SNED1: variants seen among roughly 807,000 people sequenced by gnomAD.
SNED1 encodes sushi, nidogen and EGF like domains 1, also known as sushi, nidogen and EGF-like domain-containing protein 1.
SNED1 carries 81 observed loss-of-function variants against 166.7 expected under a neutral mutation model. The observed-to-expected ratio is 0.49, with a 90% confidence interval of 0.41 to 0.58. The LOEUF (loss-of-function observed/expected upper bound fraction) is 0.58, where lower values mean the gene tolerates loss of function less well. Ranked by LOEUF, SNED1 falls within the 20% of genes least tolerant of loss-of-function variation. SNED1 has a pLI of 0.00. For synonymous variants in SNED1, 762 were observed against 822.0 expected (o/e 0.93, Z 1.25); for missense variants, 1,604 against 2,000.2 (o/e 0.80, Z 3.78).
chr2:241,062,028 A>G (rs1246716638), intron 16 of SNED1, among the ~76,000 whole-genome samples: 1 of 152,214 alleles, frequency 6.6e-6, no homozygotes, highest in Non-Finnish European at 1.5e-5. Flanking sequence ...TTCTTCATAT[A>G]ATGCTGAGAG....
At chr2:241,000,474 G>A (rs187641878) in intron 1 of SNED1, among the ~76,000 whole-genome samples, 202 of 152,302 alleles carry the variant, frequency 1.3e-3, no homozygotes, top group African/African-American at 4.2e-3. Flanking sequence ...GGTGCTCAGC[G>A]TTGGCCCGAG....
intron 1 of SNED1, among the ~76,000 whole-genome samples, chr2:241,011,873 G>C (rs943610485): frequency 5.3e-5 from 8 of 152,206 alleles, no homozygotes; most frequent in African/African-American, 1.9e-4. Context: ...TGCTGGCGCT[G>C]CCCTGTCCTG....
chr2:241,034,947 C>G (rs10173135), intron 4 of SNED1, among the ~76,000 whole-genome samples: 2,240 of 150,512 alleles, frequency 0.015, 52 homozygotes, highest in African/African-American at 0.053. Flanking sequence ...ACACACTGCT[C>G]TGGGTTGGAG....
In SNED1 at chr2:241,069,816, C is replaced by T; in HGVS notation, c.3308-104C>T. 3.0e-6 allele frequency: 4 copies of T among 1,348,034 alleles called. No homozygotes were observed. In the South Asian group the frequency reaches 5.4e-5, roughly 18 times the overall value. The allele number at this position is 1,348,034 out of a possible 1,614,324, so 83.5% of individuals were successfully genotyped here. A position where few individuals can be genotyped will look rare whatever the true frequency, so the allele number is the denominator to read the frequency against. The stretch of plus-strand genomic sequence containing the variant: ...CCATTCTCCATAATAAAGAATCTGG[C>T]TTCCAGCAAGGCTGCGGCAGCCCAT... On this transcript the variant is annotated intron_variant, in intron 23 of 31. Coordinates refer to ENST00000310397, the MANE Select transcript of SNED1 (RefSeq NM_001080437.3). This position sits in a 1 kb window ranked among gnomAD's most constrained non-coding sequence, Gnocchi z 4.9.
intron 27 of SNED1, among the ~76,000 whole-genome samples, chr2:241,080,153 G>A (rs1292604493): frequency 2.0e-5 from 3 of 152,046 alleles, no homozygotes; most frequent in African/African-American, 7.2e-5. Flanking sequence ...GCATGGTGGT[G>A]CGCGCCTGTA....
chr2:241,020,440 G>C (rs1349141108), intron 1 of SNED1, among the ~76,000 whole-genome samples: 1 of 152,214 alleles, frequency 6.6e-6, no homozygotes, highest in Non-Finnish European at 1.5e-5. Flanking sequence ...CCCGTGACTC[G>C]AGCACCCCGC....
chr2:241,002,888 C>T (rs1181218392), intron 1 of SNED1, among the ~76,000 whole-genome samples: 1 of 151,926 alleles, frequency 6.6e-6, no homozygotes, highest in Non-Finnish European at 1.5e-5. Context: ...TCTCCCTCAC[C>T]CTCCACGTCA....
chr2:241,061,401 G>C (rs2062225245), intron 16 of SNED1, among the ~76,000 whole-genome samples: 1 of 152,238 alleles, frequency 6.6e-6, no homozygotes, highest in Non-Finnish European at 1.5e-5. Flanking sequence ...CTTATGCATT[G>C]CTGGCAAGAG....
intron 16 of SNED1, among the ~76,000 whole-genome samples, chr2:241,058,999 G>A (rs866582329): frequency 3.3e-5 from 5 of 151,684 alleles, no homozygotes; most frequent in African/African-American, 2.4e-5. Context: ...GACTGATCAG[G>A]AAAAAAAGAG....
chr2:241,048,329 C>A lies in SNED1; in HGVS notation c.1288C>A (p.Pro430Thr). 1 of 1,606,976 alleles carries A rather than the reference C, an allele frequency of 6.2e-7. No individual in the cohort carries two copies. Among genetic ancestry groups the A allele is most frequent in the Non-Finnish European group, 8.5e-7 (1 of 1,177,250 alleles). The change falls in exon 9 of 32, where the codon CCA becomes ACA. Residue 430 changes from proline to threonine, a missense_variant. Around this residue, in one of 2 missense-constraint regions of SNED1, gnomAD observed 1,237 missense variants for 1,620.8 expected, o/e 0.76. Coordinates refer to ENST00000310397, the MANE Select transcript of SNED1 (RefSeq NM_001080437.3). ...LRCETGDHPV[P>T]DACLSAPCHN... ...CTTTCTTGCAGGAGACCATCCAGTG[C>A]CAGACGCCTGCCTCTCGGCCCCTTG...
At chr2:241,023,215 A>G (rs191444555) in intron 1 of SNED1, among the ~76,000 whole-genome samples, 449 of 152,208 alleles carry the variant, frequency 2.9e-3, no homozygotes, top group African/African-American at 9.9e-3. Flanking sequence ...ATATGCATGC[A>G]ATACTATAAA....
intron 1 of SNED1, among the ~76,000 whole-genome samples, chr2:241,019,887 T>C (rs1416176833): frequency 6.6e-6 from 1 of 152,094 alleles, no homozygotes; most frequent in Non-Finnish European, 1.5e-5. Context: ...GTAGTGACTA[T>C]TTTCAGCTTT....
rs554362364 is a variant in SNED1 at position 241,064,771 on chromosome 2, G to A, written c.2600-73G>A. 88 of 1,116,846 alleles carry A rather than the reference G, an allele frequency of 7.9e-5. No individual in the cohort carries two copies. In the South Asian group the frequency reaches 1.2e-3, roughly 15 times the overall value. The allele number at this position is 1,116,846 out of a possible 1,614,324, so 69.2% of individuals were successfully genotyped here. A position where few individuals can be genotyped will look rare whatever the true frequency, so the allele number is the denominator to read the frequency against. ...CACGCAGGAGGGACCCAGTGCCCCAGGAGCAAGGGCGGGGCTGGAGCAGGG... is the reference window on the plus strand; with the variant it reads ...CACGCAGGAGGGACCCAGTGCCCCAAGAGCAAGGGCGGGGCTGGAGCAGGG... On this transcript the variant is annotated intron_variant, in intron 19 of 31. Transcript: ENST00000310397. The surrounding 1 kb of genome is among the most constrained non-coding windows in gnomAD (Gnocchi z 7.0).
chr2:241,071,301 A>G, intron 24 of SNED1: 1 of 542,044 alleles, frequency 1.8e-6, no homozygotes, highest in East Asian at 3.1e-5. Context: ...GCAGGGGCCT[A>G]GACTCAGCCC....
rs1345400042 is a variant in SNED1, at chr2:241,018,513, A to G, written c.214-11771A>G. ...CCGGGGTCTAAGGTGGTCCCTGGTC[A>G]GGAGCCGGGACTGGCGTTCTCTCTC... On this transcript the variant is annotated intron_variant, in intron 1 of 31. Coordinates refer to ENST00000310397, the MANE Select transcript of SNED1 (RefSeq NM_001080437.3). The surrounding 1 kb of genome is among the most constrained non-coding windows in gnomAD (Gnocchi z 5.4). Among the ~76,000 whole-genome samples the G allele has an allele frequency of 6.6e-6, 1 of 152,224 alleles. No homozygotes were observed. Among genetic ancestry groups the G allele is most frequent in the African/African-American group, 2.4e-5 (1 of 41,454 alleles).
At chr2:241,006,201 T>A (rs1199572635) in intron 1 of SNED1, among the ~76,000 whole-genome samples, 1 of 152,232 alleles carries the variant, frequency 6.6e-6, no homozygotes. Context: ...TATGTTTGTT[T>A]CATCTATTTC....
chr2:241,025,623 C>G (rs745521750), intron 1 of SNED1, among the ~76,000 whole-genome samples: 1 of 151,998 alleles, frequency 6.6e-6, no homozygotes, highest in Non-Finnish European at 1.5e-5. Flanking sequence ...TTACATTTCC[C>G]TCTGACTTGA....
At chr2:241,031,622 C>G (rs1288479575) in intron 2 of SNED1, among the ~76,000 whole-genome samples, 3 of 152,228 alleles carry the variant, frequency 2.0e-5, no homozygotes, top group African/African-American at 7.2e-5. Context: ...GACAGTTCAG[C>G]TTCATGCATC....
chr2:241,062,615 C>T (rs952602464), intron 16 of SNED1, among the ~76,000 whole-genome samples, 176 bp from the exon 17 acceptor site: 1 of 152,206 alleles, frequency 6.6e-6, no homozygotes, highest in African/African-American at 2.4e-5. Flanking sequence ...AGGCACTGAG[C>T]CCCAGGCCCA....
Sources: gnomAD v4.1 joint callset for allele counts (sites outside exome capture counted in the v4.1 genomes callset) on GRCh38, gnomAD v4.1.1 for gene constraint, gnomAD v4.1.1 regional missense constraint, Gnocchi (gnomAD v3.1) non-coding constraint, MANE v1.5 for transcripts, NCBI Gene and HGNC (gene_info 2026-07-23, HGNC 2026-07-21) for gene names.